Variants in SND1 observed in about 807,000 individuals in gnomAD.
SND1 encodes staphylococcal nuclease domain-containing protein 1.
In SND1, 38 loss-of-function variants were observed where a neutral mutation model predicts 121.7. That is an observed-to-expected ratio of 0.31 (90% CI 0.24 to 0.41). The LOEUF (loss-of-function observed/expected upper bound fraction) is 0.41. SND1 is among the 10% of genes least tolerant of loss of function. The probability of loss-of-function intolerance (pLI) is 1.00; values close to 1 mark genes in which losing one functional copy is unlikely to be tolerated. For synonymous variants in SND1, 401 were observed against 447.4 expected, an observed-to-expected ratio of 0.90 and a Z score of 1.31; for missense variants, 868 against 1,184.6, an observed-to-expected ratio of 0.73 and a Z score of 3.92.
chr7:128,038,306 A>T (rs1792789211), intron 16 of SND1, among the ~76,000 whole-genome samples: 2 of 152,224 alleles, frequency 1.3e-5, no homozygotes, highest in South Asian at 4.1e-4. Context: ...GTACTGGTGG[A>T]TGCAAAGCAT....
chr7:127,789,359 T>C (rs138012611), intron 10 of SND1, among the ~76,000 whole-genome samples: 259 of 152,342 alleles, frequency 1.7e-3, no homozygotes, highest in African/African-American at 5.9e-3. Context: ...CAAACCTTTT[T>C]AAAAAATTCA....
intron 15 of SND1, among the ~76,000 whole-genome samples, chr7:127,943,631 G>A (rs779581857): frequency 2.0e-5 from 3 of 152,142 alleles, no homozygotes; most frequent in Non-Finnish European, 4.4e-5. Flanking sequence ...TCTAGATCTC[G>A]TGGAGGAGAT....
chr7:127,770,644 T>C (rs1296681017), intron 10 of SND1, among the ~76,000 whole-genome samples: 5 of 152,200 alleles, frequency 3.3e-5, no homozygotes, highest in African/African-American at 1.2e-4. Flanking sequence ...AAGGCTGTAC[T>C]TGTAACCACT....
intron 17 of SND1, among the ~76,000 whole-genome samples, chr7:128,079,621 C>T (rs975759211): frequency 4.6e-5 from 7 of 152,342 alleles, no homozygotes; most frequent in Middle Eastern, 3.4e-3. Flanking sequence ...CCCCCATAGC[C>T]GCTCCTTCTA....
At chr7:128,071,060 G>C (rs1362929876) in intron 16 of SND1, among the ~76,000 whole-genome samples, 1 of 152,108 alleles carries the variant, frequency 6.6e-6, no homozygotes, top group Admixed American at 6.5e-5. Flanking sequence ...CATGCTTTTT[G>C]TTGGTGGTTT....
chr7:127,766,572 A>G (rs11536594), intron 10 of SND1, among the ~76,000 whole-genome samples: 77,625 of 151,332 alleles, frequency 0.51, 20,886 homozygotes, highest in East Asian at 0.84. Context: ...TCAGGAGATC[A>G]AGACCATCCT....
chr7:127,840,445 G>C (rs761326948), intron 11 of SND1, among the ~76,000 whole-genome samples: 7 of 151,996 alleles, frequency 4.6e-5, no homozygotes, highest in Non-Finnish European at 7.4e-5. Flanking sequence ...TATAGCCCTT[G>C]GTCATGTATT....
chr7:127,673,023 A>G (rs1442699775), intron 1 of SND1, among the ~76,000 whole-genome samples: 1 of 151,908 alleles, frequency 6.6e-6, no homozygotes, highest in Non-Finnish European at 1.5e-5. Context: ...AATTTTAGGT[A>G]TAAGTATCTT....
intron 9 of SND1, among the ~76,000 whole-genome samples, chr7:127,710,538 C>T (rs1428441546): frequency 1.3e-5 from 2 of 151,476 alleles, no homozygotes; most frequent in African/African-American, 4.8e-5. Flanking sequence ...GACTGGCAGC[C>T]ACTTTGAATA....
chr7:127,709,018 A>AGAGT (rs1259008879), intron 9 of SND1, among the ~76,000 whole-genome samples: 1 of 152,136 alleles, frequency 6.6e-6, no homozygotes, highest in Non-Finnish European at 1.5e-5. Context: ...AATAGGTCAC[A>AGAGT]GAGTGGTCTA....
intron 10 of SND1, among the ~76,000 whole-genome samples, chr7:127,751,825 T>C (rs1797102290): frequency 1.3e-5 from 2 of 152,256 alleles, no homozygotes; most frequent in Non-Finnish European, 2.9e-5. Flanking sequence ...GGCCTAGTCA[T>C]GGGCAATTGG....
At chr7:127,697,933 A>G (rs970066716) in intron 3 of SND1, among the ~76,000 whole-genome samples, 2 of 152,114 alleles carry the variant, frequency 1.3e-5, no homozygotes, top group Non-Finnish European at 2.9e-5. Flanking sequence ...CTGCCATATT[A>G]AAGATTTTTA....
chr7:127,853,611 C>T (rs932878905), intron 12 of SND1, among the ~76,000 whole-genome samples: 6 of 152,120 alleles, frequency 3.9e-5, no homozygotes, highest in African/African-American at 1.4e-4. Context: ...TTTAATGCTG[C>T]CCTGCTGGTA....
At chr7:127,888,069 C>A in intron 13 of SND1, 57 bp downstream of exon 13, 1 of 1,213,864 alleles carries the variant, frequency 8.2e-7, no homozygotes, top group South Asian at 1.3e-5. Context: ...TTTTTCTTTC[C>A]CAGTTTTGTG....
intron 15 of SND1, among the ~76,000 whole-genome samples, chr7:127,967,404 A>G (rs1801878585): frequency 6.6e-6 from 1 of 152,184 alleles, no homozygotes; most frequent in South Asian, 2.1e-4. Flanking sequence ...TCAGCAAGGA[A>G]TGTAATTTCT....
Position 128,015,885 on chromosome 7 carries a change from G to A in SND1, c.1779+24829G>A, listed in dbSNP as rs1278155465. On this transcript the variant is annotated intron_variant, in intron 16 of 23. Coordinates refer to ENST00000354725, the MANE Select transcript of SND1 (RefSeq NM_014390.4). The surrounding 1 kb of genome is among the most constrained non-coding windows in gnomAD (Gnocchi z 4.5). Reference sequence around the variant, plus strand: ...GCCTATCGAAGGGAGAGAATCCTGGGGCAGCAGCCTACCATGCTGCCCCTT... The same window carrying A: ...GCCTATCGAAGGGAGAGAATCCTGGAGCAGCAGCCTACCATGCTGCCCCTT... 4.6e-5 allele frequency among the ~76,000 whole-genome samples: 7 copies of A among 152,222 alleles called. 1 individual carries two copies. The South Asian group carries it at 8.3e-4, about 18-fold the overall frequency.
chr7:128,068,535 A>G (rs1793355570), intron 16 of SND1, among the ~76,000 whole-genome samples: 1 of 152,188 alleles, frequency 6.6e-6, no homozygotes, highest in South Asian at 2.1e-4. Flanking sequence ...GACAATGGGG[A>G]GAAGAGGAAC....
At chr7:128,023,799 A>G (rs1337942685) in intron 16 of SND1, among the ~76,000 whole-genome samples, 3 of 152,204 alleles carry the variant, frequency 2.0e-5, no homozygotes, top group Non-Finnish European at 4.4e-5. Context: ...GTATTGTCAA[A>G]TAACTGTTAT....
At chr7:127,695,191 G>C (rs939140280) in intron 3 of SND1, among the ~76,000 whole-genome samples, 2 of 152,200 alleles carry the variant, frequency 1.3e-5, no homozygotes, top group African/African-American at 4.8e-5. Flanking sequence ...ATGTAGTATA[G>C]AGTTGCATTC....
Sources: gnomAD v4.1 joint callset for allele counts (sites outside exome capture counted in the v4.1 genomes callset) on GRCh38, gnomAD v4.1.1 for gene constraint, Gnocchi (gnomAD v3.1) non-coding constraint, MANE v1.5 for transcripts, NCBI Gene and HGNC (gene_info 2026-07-23, HGNC 2026-07-21) for gene names.